The following ZNF462 variants were observed in gnomAD, a reference collection of about 807,000 sequenced individuals.
ZNF462 encodes the protein zinc finger PBX1-interacting protein.
ZNF462 carries 10 observed loss-of-function variants against 201.9 expected under a neutral mutation model. The ratio of observed to expected loss-of-function variants is 0.05; its 90% CI spans 0.03 to 0.08. ZNF462 has a LOEUF of 0.08. ZNF462 is among the 10% of genes least tolerant of loss of function. The pLI, the probability that ZNF462 is intolerant of heterozygous loss-of-function variation, is 1.00. For synonymous variants in ZNF462, 1,227 were observed against 1,193.3 expected, an observed-to-expected ratio of 1.03 and a Z score of -0.58; for missense variants, 2,523 against 3,168.3, an observed-to-expected ratio of 0.80 and a Z score of 4.89.
At position 106,930,764 on chromosome 9, in the gene ZNF462, A is replaced by G. The variant is rs1830392294; in HGVS notation, c.6012+75A>G. 2.6e-6 allele frequency: 4 copies of G among 1,548,870 alleles called. No individual in the cohort carries two copies. The highest frequency in any genetic ancestry group is 2.4e-5 in the South Asian group (2 of 84,598). On this transcript the variant is annotated intron_variant, in intron 4 of 12. Transcript: ENST00000277225. This position sits in a 1 kb window ranked among gnomAD's most constrained non-coding sequence, Gnocchi z 5.8. ...ACTTATTAACCCCATTGCCTAAAGC[A>G]GCTCAGGAAAGAGCATCTCAGAATG...
At chr9:106,998,561 T>C (rs1028333608) in intron 10 of ZNF462, among the ~76,000 whole-genome samples, 1 of 152,126 alleles carries the variant, frequency 6.6e-6, no homozygotes. Flanking sequence ...CCTCACTTCA[T>C]TGTTAAAGGA....
Position 106,938,578 on chromosome 9 carries a change from G to A in ZNF462, c.6236-338G>A, listed in dbSNP as rs1179922057. Among the ~76,000 whole-genome samples the A allele has an allele frequency of 6.6e-6, 1 of 152,240 alleles. No homozygotes were observed. The highest frequency in any genetic ancestry group is 2.1e-4 in the South Asian group (1 of 4,820). On this transcript the variant is annotated intron_variant, in intron 6 of 12. Transcript: ENST00000277225. This position sits in a 1 kb window ranked among gnomAD's most constrained non-coding sequence, Gnocchi z 4.4. Reference sequence around the variant, plus strand: ...GACATGGTCATTTCTAGTGTAGAGAGGGAGGGAAAGGGATTGGAAATTTTT... The same window carrying A: ...GACATGGTCATTTCTAGTGTAGAGAAGGAGGGAAAGGGATTGGAAATTTTT...
At chr9:106,949,704 CCT>C (rs1256068802) in intron 7 of ZNF462, among the ~76,000 whole-genome samples, 6 of 152,110 alleles carry the variant, frequency 3.9e-5, no homozygotes, top group African/African-American at 1.4e-4. Flanking sequence ...TTATTTTCTT[CCT>C]CTCTTTTGGA....
At chr9:106,877,614 A>G (rs1827892704) in intron 1 of ZNF462, among the ~76,000 whole-genome samples, 1 of 151,996 alleles carries the variant, frequency 6.6e-6, no homozygotes, top group East Asian at 1.9e-4. Flanking sequence ...ACAGGAGTTC[A>G]AGTGATCTGC....
At chr9:106,901,145 A>G (rs1432492432) in intron 1 of ZNF462, among the ~76,000 whole-genome samples, 2 of 152,110 alleles carry the variant, frequency 1.3e-5, no homozygotes, top group East Asian at 3.9e-4. Context: ...GATAATTTCA[A>G]CAAATTTCAA....
At chr9:106,887,652 A>G (rs998848205) in intron 1 of ZNF462, among the ~76,000 whole-genome samples, 3 of 152,248 alleles carry the variant, frequency 2.0e-5, no homozygotes, top group Non-Finnish European at 2.9e-5. Context: ...CTAAACCCAC[A>G]TTGTATATAC....
At chr9:106,976,173 A>C (rs183342832) in intron 9 of ZNF462, 52 of 152,300 alleles carry the variant, frequency 3.4e-4, no homozygotes, top group African/African-American at 1.2e-3. Flanking sequence ...TGGAAAGTTC[A>C]CCTCTAAGTA....
chr9:106,986,681 T>C (rs1180593161), intron 10 of ZNF462, among the ~76,000 whole-genome samples: 1 of 152,220 alleles, frequency 6.6e-6, no homozygotes. Flanking sequence ...GTAATTTCTT[T>C]AGTGGTGATT....
In ZNF462 at chr9:106,958,520, A is replaced by G. The variant is rs540082338; in HGVS notation, c.6428-13485A>G. Reference sequence around the variant, plus strand: ...CCTTTCTCCACTTATTTTCTCTTCAAATTATTTTGTAGATCTATAGTGGGA... The same window carrying G: ...CCTTTCTCCACTTATTTTCTCTTCAGATTATTTTGTAGATCTATAGTGGGA... On this transcript the variant is annotated intron_variant, in intron 7 of 12. Transcript: ENST00000277225. Among the ~76,000 whole-genome samples, 3 of 152,100 alleles carry G rather than the reference A, an allele frequency of 2.0e-5. No homozygotes were observed. In the South Asian group the frequency reaches 6.2e-4, roughly 32 times the overall value.
chr9:106,939,266 T>TGGGAA (rs1830764033), intron 7 of ZNF462, among the ~76,000 whole-genome samples, 159 bp downstream of exon 7: 2 of 151,056 alleles, frequency 1.3e-5, no homozygotes, highest in Admixed American at 6.6e-5. Flanking sequence ...GAAGTTGGAG[T>TGGGAA]GGGAAGGGGA....
intron 1 of ZNF462, among the ~76,000 whole-genome samples, chr9:106,866,564 A>C (rs1480225288): frequency 6.6e-6 from 1 of 152,194 alleles, no homozygotes; most frequent in East Asian, 1.9e-4. Flanking sequence ...TGCTTATTTA[A>C]AAATACTTCT....
intron 1 of ZNF462, among the ~76,000 whole-genome samples, chr9:106,887,043 C>A (rs928183822): frequency 6.6e-6 from 1 of 152,166 alleles, no homozygotes; most frequent in Non-Finnish European, 1.5e-5. Context: ...TGAAGACATC[C>A]TATTTCCAAA....
chr9:106,980,650 C>A (rs574356131), intron 9 of ZNF462, among the ~76,000 whole-genome samples: 3 of 152,322 alleles, frequency 2.0e-5, no homozygotes, highest in East Asian at 3.9e-4. Context: ...ACATTACTCT[C>A]GGGCCCAACC....
intron 1 of ZNF462, among the ~76,000 whole-genome samples, chr9:106,904,137 C>G (rs1323653328): frequency 6.6e-6 from 1 of 151,608 alleles, no homozygotes; most frequent in African/African-American, 2.4e-5. Context: ...ATGGCGAATT[C>G]TCCCAGCATT....
In ZNF462 at chr9:106,933,170, T is replaced by C. The variant is rs1830491763; in HGVS notation, c.6116+621T>C. 1 of 156,312 alleles carries C rather than the reference T, an allele frequency of 6.4e-6. No homozygotes were observed. Among genetic ancestry groups the C allele is most frequent in the African/African-American group, 2.4e-5 (1 of 41,474 alleles). The allele number at this position is 156,312 out of a possible 1,614,324, so 9.7% of individuals were successfully genotyped here. On this transcript the variant is annotated intron_variant, in intron 5 of 12. Coordinates refer to ENST00000277225, the MANE Select transcript of ZNF462 (RefSeq NM_021224.6). This position sits in a 1 kb window ranked among gnomAD's most constrained non-coding sequence, Gnocchi z 4.3. ...GAACAACTTTTTGTTGCCTTTCTCT[T>C]TCAGCCGTGTAAAAGAGAGATAAAT...
In ZNF462 at chr9:106,875,544, G is replaced by A. The variant is rs570854975; in HGVS notation, c.-31+12189G>A. On this transcript the variant is annotated intron_variant, in intron 1 of 12. Transcript: ENST00000277225. ...CTAAGATTTGAGGGAACTGTTAATC[G>A]AGAACTTTTAACTTTATATCACCCC... Among the ~76,000 whole-genome samples, 23 of 152,302 alleles carry A rather than the reference G, an allele frequency of 1.5e-4. 1 individual carries two copies. In the South Asian group the frequency reaches 3.7e-3, roughly 25 times the overall value.
intron 1 of ZNF462, among the ~76,000 whole-genome samples, chr9:106,867,951 G>A (rs952538228): frequency 2.6e-5 from 4 of 152,086 alleles, no homozygotes; most frequent in Admixed American, 6.6e-5. Flanking sequence ...TCACAAATAG[G>A]AGATACATAA....
rs1202974340 is a variant in ZNF462 at position 106,870,905 on chromosome 9, C to T, written c.-31+7550C>T. On this transcript the variant is annotated intron_variant, in intron 1 of 12. Coordinates refer to ENST00000277225, the MANE Select transcript of ZNF462 (RefSeq NM_021224.6). This position sits in a 1 kb window ranked among gnomAD's most constrained non-coding sequence, Gnocchi z 4.3. ...GCTAAGGCCTCCAAATTTTGGAATT[C>T]TTCTTTTTCCTGTTCAGATTTAAGA... Among the ~76,000 whole-genome samples the T allele has an allele frequency of 6.6e-6, 1 of 152,124 alleles. No individual in the cohort carries two copies. The highest frequency in any genetic ancestry group is 2.4e-5 in the African/African-American group (1 of 41,420).
chr9:106,970,862 C>T lies in ZNF462; in HGVS notation c.6428-1143C>T, dbSNP rs941481928. Among the ~76,000 whole-genome samples the T allele has an allele frequency of 1.0e-4, 15 of 150,736 alleles. No homozygotes were observed. The highest frequency in any genetic ancestry group is 2.4e-4 in the African/African-American group (10 of 40,912). Reference sequence around the variant, plus strand: ...CTTTTTTTTTAATTCAAAGAAGAAACGCTGAGATTTCCCCTCCTCCCTCCT... The same window carrying T: ...CTTTTTTTTTAATTCAAAGAAGAAATGCTGAGATTTCCCCTCCTCCCTCCT... On this transcript the variant is annotated intron_variant, in intron 7 of 12. Transcript: ENST00000277225. This position sits in a 1 kb window ranked among gnomAD's most constrained non-coding sequence, Gnocchi z 4.2.
Sources: allele counts gnomAD v4.1 joint callset (sites outside exome capture counted in the v4.1 genomes callset), GRCh38; gene constraint gnomAD v4.1.1; non-coding constraint Gnocchi (gnomAD v3.1); transcripts MANE v1.5; gene names NCBI Gene and HGNC (gene_info 2026-07-23, HGNC 2026-07-21).